The following NREP variants were observed in gnomAD, a reference collection of about 807,000 sequenced individuals.
The protein encoded by NREP is neuronal regeneration-related protein.
A neutral mutation model predicts 8.6 loss-of-function variants in NREP; 5 were observed. The observed-to-expected ratio is 0.58, with a 90% CI of 0.30 to 1.22. The LOEUF (loss-of-function observed/expected upper bound fraction) is 1.22. Among genes scored for constraint, NREP ranks in the 50% most tolerant of loss-of-function variants. The pLI is 0.07. For missense variants in NREP, 86 were observed against 82.5 expected, an observed-to-expected ratio of 1.04 and a Z score of -0.17; for synonymous variants, 27 against 28.0, an observed-to-expected ratio of 0.96 and a Z score of 0.11.
chr5:111,791,292 T>C (rs550616149), intron 2 of NREP, among the ~76,000 whole-genome samples: 2 of 152,316 alleles, frequency 1.3e-5, no homozygotes, highest in South Asian at 4.1e-4. Flanking sequence ...AATCACCACA[T>C]TGTACAAGAG....
chr5:111,747,463 C>T (rs555403921), intron 2 of NREP, among the ~76,000 whole-genome samples: 48 of 152,214 alleles, frequency 3.2e-4, no homozygotes, highest in Admixed American at 6.5e-4. Flanking sequence ...TTACCTGCTC[C>T]AGTAATCAAA....
chr5:111,942,598 T>C (rs1469198828), intron 2 of NREP, among the ~76,000 whole-genome samples: 2 of 151,988 alleles, frequency 1.3e-5, no homozygotes, highest in South Asian at 2.1e-4. Flanking sequence ...TGAAATGATA[T>C]AGAAGTTGAT....
chr5:111,905,131 T>G (rs1370470779), intron 2 of NREP, among the ~76,000 whole-genome samples: 1 of 152,152 alleles, frequency 6.6e-6, no homozygotes, highest in African/African-American at 2.4e-5. Flanking sequence ...ATATGCCTTT[T>G]GTCAGATGAT....
intron 2 of NREP, among the ~76,000 whole-genome samples, chr5:111,893,943 C>T (rs1581198369): frequency 1.3e-5 from 2 of 152,090 alleles, no homozygotes; most frequent in Admixed American, 6.5e-5. Context: ...ACAGGCCGGG[C>T]GCAGTGGCTC....
At chr5:111,806,385 G>A (rs1581131475) in intron 2 of NREP, among the ~76,000 whole-genome samples, 1 of 152,154 alleles carries the variant, frequency 6.6e-6, no homozygotes, top group Admixed American at 6.5e-5. Context: ...TTTTAAAAAT[G>A]TGTTACTCTT....
intron 2 of NREP, among the ~76,000 whole-genome samples, chr5:111,737,419 A>G (rs1393301882): frequency 1.3e-5 from 2 of 152,206 alleles, no homozygotes; most frequent in African/African-American, 4.8e-5. Context: ...ACAGTCTTAA[A>G]ATATTAGTGA....
At chr5:111,972,821 G>A (rs542537317) in intron 2 of NREP, among the ~76,000 whole-genome samples, 1 of 152,198 alleles carries the variant, frequency 6.6e-6, no homozygotes, top group Non-Finnish European at 1.5e-5. Context: ...TGCTCATTGT[G>A]TGCCACTGCC....
chr5:111,781,275 G>A (rs1168162225), intron 2 of NREP, among the ~76,000 whole-genome samples: 1 of 152,148 alleles, frequency 6.6e-6, no homozygotes, highest in Non-Finnish European at 1.5e-5. Flanking sequence ...AGGTAACATG[G>A]CTTCTGTCTG....
chr5:111,767,664 G>A (rs1304741744), intron 2 of NREP, among the ~76,000 whole-genome samples: 1 of 151,898 alleles, frequency 6.6e-6, no homozygotes, highest in African/African-American at 2.4e-5. Flanking sequence ...CTGCTTTTTG[G>A]TTGTTTGTTT....
At chr5:111,954,722 T>A (rs1561366372) in intron 2 of NREP, among the ~76,000 whole-genome samples, 1 of 152,090 alleles carries the variant, frequency 6.6e-6, no homozygotes. Context: ...GAGTGACAGG[T>A]TCCCTTCATG....
At chr5:111,731,087 A>AAAG in intron 3 of NREP, 41 bp from the exon 4 acceptor site, 1 of 1,598,276 alleles carries the variant, frequency 6.3e-7, no homozygotes, top group Non-Finnish European at 8.5e-7. Flanking sequence ...GACACACATA[A>AAAG]AAGACAAAAT....
chr5:111,777,711 T>G (rs891692501), intron 2 of NREP, among the ~76,000 whole-genome samples: 1 of 152,104 alleles, frequency 6.6e-6, no homozygotes, highest in Non-Finnish European at 1.5e-5. Flanking sequence ...AGCAACGTTT[T>G]TGAGGGCATG....
chr5:111,895,321 T>C (rs990142044), intron 2 of NREP, among the ~76,000 whole-genome samples: 1 of 152,124 alleles, frequency 6.6e-6, no homozygotes, highest in Non-Finnish European at 1.5e-5. Flanking sequence ...TCAGCAAATA[T>C]TAAGGCACTG....
chr5:111,783,345 A>G (rs1213381185), intron 2 of NREP, among the ~76,000 whole-genome samples: 3 of 152,202 alleles, frequency 2.0e-5, no homozygotes, highest in Non-Finnish European at 4.4e-5. Flanking sequence ...AAATCTTCCT[A>G]AGATTACCTA....
chr5:111,913,200 A>C (rs1276129159), intron 2 of NREP, among the ~76,000 whole-genome samples: 2 of 152,118 alleles, frequency 1.3e-5, no homozygotes, highest in African/African-American at 4.8e-5. Flanking sequence ...TTTCTTAGGA[A>C]ATGAATAGGA....
At chr5:111,940,642 C>T (rs1327144005) in intron 2 of NREP, among the ~76,000 whole-genome samples, 1 of 152,062 alleles carries the variant, frequency 6.6e-6, no homozygotes, top group Non-Finnish European at 1.5e-5. Flanking sequence ...TGGGCCCCGA[C>T]TCTGAAGACA....
chr5:111,742,887 A>C (rs1223060864), intron 2 of NREP, among the ~76,000 whole-genome samples: 1 of 152,166 alleles, frequency 6.6e-6, no homozygotes, highest in Non-Finnish European at 1.5e-5. Flanking sequence ...CTGATCGAGG[A>C]ATTCTCAGAT....
intron 2 of NREP, among the ~76,000 whole-genome samples, chr5:111,845,565 G>A (rs191485095): frequency 3.0e-4 from 46 of 152,194 alleles, no homozygotes; most frequent in Non-Finnish European, 4.7e-4. Flanking sequence ...AAAGTCATGC[G>A]TTATAAATCT....
intron 2 of NREP, among the ~76,000 whole-genome samples, chr5:111,748,019 C>T (rs998089988): frequency 5.9e-5 from 9 of 152,132 alleles, no homozygotes; most frequent in African/African-American, 2.2e-4. Context: ...CTGTGCTGCC[C>T]GCTGGAAAAG....
Sources: gnomAD v4.1 joint callset for allele counts (sites outside exome capture counted in the v4.1 genomes callset) on GRCh38, gnomAD v4.1.1 for gene constraint, MANE v1.5 for transcripts, NCBI Gene and HGNC (gene_info 2026-07-23, HGNC 2026-07-21) for gene names.